Variants in PLCG2 observed in about 807,000 individuals in gnomAD.
PLCG2 encodes the protein 1-phosphatidylinositol 4,5-bisphosphate phosphodiesterase gamma-2.
PLCG2 carries 69 observed loss-of-function variants against 175.6 expected under a neutral mutation model. The observed-to-expected ratio is 0.39, with a 90% CI of 0.32 to 0.48. The LOEUF (loss-of-function observed/expected upper bound fraction) is 0.48. Among genes scored for constraint, PLCG2 ranks in the 20% least tolerant of loss-of-function variants. The probability of loss-of-function intolerance (pLI) is 0.91; values close to 1 mark genes in which losing one functional copy is unlikely to be tolerated. For missense variants in PLCG2, 1,798 were observed against 1,650.9 expected, an observed-to-expected ratio of 1.09 and a Z score of -1.54; for synonymous variants, 827 against 624.0, an observed-to-expected ratio of 1.33 and a Z score of -4.85.
At chr16:81,909,793 C>A (rs1387667353) in intron 17 of PLCG2, among the ~76,000 whole-genome samples, 1 of 152,206 alleles carries the variant, frequency 6.6e-6, no homozygotes, top group African/African-American at 2.4e-5. Context: ...GTATTCGAGA[C>A]ACCTTGTGTG....
At chr16:81,842,536 C>G (rs990099304) in intron 2 of PLCG2, among the ~76,000 whole-genome samples, 2 of 152,236 alleles carry the variant, frequency 1.3e-5, no homozygotes, top group African/African-American at 4.8e-5. Flanking sequence ...GGTGCCCAAG[C>G]CTTCTGTCTG....
intron 2 of PLCG2, among the ~76,000 whole-genome samples, chr16:81,809,910 C>T (rs1904302877): frequency 6.6e-6 from 1 of 151,980 alleles, no homozygotes; most frequent in South Asian, 2.1e-4. Flanking sequence ...TACTGTGTAG[C>T]TCACAGCATC....
At chr16:81,811,054 C>G (rs924550870) in intron 2 of PLCG2, among the ~76,000 whole-genome samples, 4 of 152,138 alleles carry the variant, frequency 2.6e-5, no homozygotes, top group African/African-American at 4.8e-5. Flanking sequence ...AACCTGTGTA[C>G]CAGAGGGACA....
At position 81,947,023 on chromosome 16, in the gene PLCG2, C is replaced by A. The variant is rs74029314; in HGVS notation, c.3570+760C>A. Among the ~76,000 whole-genome samples the A allele has an allele frequency of 3.0e-3, 454 of 152,182 alleles. 3 individuals carry two copies. The highest frequency in any genetic ancestry group is 0.01 in the African/African-American group (421 of 41,526). Reference sequence around the variant, plus strand: ...CTTCTCTCTATACATAAAACCCCTCCGCAGACACTTCACAGAAAAGTCAAG... The same window carrying A: ...CTTCTCTCTATACATAAAACCCCTCAGCAGACACTTCACAGAAAAGTCAAG... On this transcript the variant is annotated intron_variant, in intron 31 of 32. Coordinates refer to ENST00000564138, the MANE Select transcript of PLCG2 (RefSeq NM_002661.5).
chr16:81,959,728 G>A lies in PLCG2; in HGVS notation c.*1730G>A, dbSNP rs1255277742. On this transcript the variant is annotated 3_prime_UTR_variant, in exon 33 of 33. Transcript: ENST00000564138. ...TGAGAAAGGCACTGGGATGAGTGCT[G>A]CAGGCACTCTGTAGCCAGGGCCCCA... is the stretch of plus-strand genomic sequence containing the variant. 1.6e-5 allele frequency: 3 copies of A among 184,844 alleles called. No homozygotes were observed. The highest frequency in any genetic ancestry group is 3.4e-5 in the Non-Finnish European group (3 of 87,232). 11.5% of individuals were successfully genotyped at this position (184,844 alleles called of 1,614,324 possible).
chr16:81,919,594 A>G lies in PLCG2; in HGVS notation c.2165A>G (p.Lys722Arg). The G allele has an allele frequency of 6.2e-7, 1 of 1,614,152 alleles. No homozygotes were observed. The highest frequency in any genetic ancestry group is 8.5e-7 in the Non-Finnish European group (1 of 1,180,022). ...SLVELVSYYE[K>R]HSLYRKMRLR... ...GTGGAGCTCGTCAGTTACTACGAGA[A>G]GCATTCACTCTACCGAAAGATGAGA... Residue 722 changes from lysine to arginine, a missense_variant, in exon 20 of 33, where the codon AAG becomes AGG. Transcript: ENST00000564138.
rs551447612 is a variant in PLCG2, at chr16:81,943,658, A to T, written c.3482-2517A>T. Among the ~76,000 whole-genome samples, 244 of 152,338 alleles carry T rather than the reference A, an allele frequency of 1.6e-3. 2 individuals are homozygous for T. Among genetic ancestry groups the T allele is most frequent in the African/African-American group, 5.4e-3 (225 of 41,574 alleles). On this transcript the variant is annotated intron_variant, in intron 30 of 32. Coordinates refer to ENST00000564138, the MANE Select transcript of PLCG2 (RefSeq NM_002661.5). Reference sequence around the variant, plus strand: ...TTCCCAAGTCAGAATCTGCATTTTAACAAGATTCACAGGTGATTCACATTT... The same window carrying T: ...TTCCCAAGTCAGAATCTGCATTTTATCAAGATTCACAGGTGATTCACATTT...
At chr16:81,740,745 A>AC (rs1909573569) in intron 1 of PLCG2, among the ~76,000 whole-genome samples, 1 of 138,054 alleles carries the variant, frequency 7.2e-6, no homozygotes, top group East Asian at 2.6e-4. Context: ...AAAAAAAAAA[A>AC]AAAAAAAAAA....
At chr16:81,805,045 A>C (rs539351447) in intron 2 of PLCG2, among the ~76,000 whole-genome samples, 1 of 152,322 alleles carries the variant, frequency 6.6e-6, no homozygotes, top group East Asian at 1.9e-4. Context: ...CAAGGTTACC[A>C]AAGTTTTCAG....
intron 2 of PLCG2, among the ~76,000 whole-genome samples, chr16:81,826,649 C>T (rs1205483418): frequency 6.6e-6 from 1 of 152,178 alleles, no homozygotes; most frequent in Non-Finnish European, 1.5e-5. Flanking sequence ...CACTCATTAA[C>T]CACGTCCTCT....
At chr16:81,818,461 C>T (rs1254260147) in intron 2 of PLCG2, among the ~76,000 whole-genome samples, 2 of 152,116 alleles carry the variant, frequency 1.3e-5, no homozygotes, top group Non-Finnish European at 2.9e-5. Context: ...ACCAGGTAGA[C>T]CATAGATGCT....
At chr16:81,928,933 C>T (rs369687608) in intron 24 of PLCG2, 34 of 308,640 alleles carry the variant, frequency 1.1e-4, no homozygotes, top group African/African-American at 6.0e-4. Flanking sequence ...CCATGCGTTG[C>T]GAAGGAAAGC....
At chr16:81,760,314 G>T (rs987052298) in intron 2 of PLCG2, among the ~76,000 whole-genome samples, 1 of 152,124 alleles carries the variant, frequency 6.6e-6, no homozygotes, top group Admixed American at 6.5e-5. Context: ...GTTCTGCTGG[G>T]CTCAGGGTGC....
chr16:81,746,832 C>T (rs1909716725), intron 1 of PLCG2, among the ~76,000 whole-genome samples: 1 of 152,164 alleles, frequency 6.6e-6, no homozygotes, highest in South Asian at 2.1e-4. Flanking sequence ...CCAGTGGAGC[C>T]TACAAAGCAA....
intron 18 of PLCG2, 29 bp from the exon 19 acceptor site, chr16:81,912,568 T>A (rs1180263019): frequency 1.9e-6 from 3 of 1,610,498 alleles, no homozygotes; most frequent in Non-Finnish European, 2.5e-6. Context: ...ACCGCTCACC[T>A]GGTCGTTTTC....
intron 8 of PLCG2, among the ~76,000 whole-genome samples, chr16:81,882,309 A>G (rs867814679): frequency 2.0e-5 from 3 of 152,006 alleles, no homozygotes; most frequent in Non-Finnish European, 4.4e-5. Flanking sequence ...AGTGTTCCCT[A>G]GTGTTCCCTA....
chr16:81,750,904 ACCTCAAGATCCACCCACCTCAG>A (rs1226787659), intron 1 of PLCG2, among the ~76,000 whole-genome samples: 1 of 145,100 alleles, frequency 6.9e-6, no homozygotes, highest in Non-Finnish European at 1.5e-5. Flanking sequence ...CGATCTCCTG[ACCTCAAGATCCACCCACCTCAG>A]CCTCCCAAAG....
At position 81,907,654 on chromosome 16, in the gene PLCG2, G is replaced by C. The variant is rs906521780; in HGVS notation, c.1468-31G>C. On this transcript the variant is annotated intron_variant, in intron 15 of 32. Coordinates refer to ENST00000564138, the MANE Select transcript of PLCG2 (RefSeq NM_002661.5). Reference sequence around the variant, plus strand: ...CCACAGTTGATGAGGTAGAGGACTTGGGGGGCACTAATACCAGTTTCACTT... The same window carrying C: ...CCACAGTTGATGAGGTAGAGGACTTCGGGGGCACTAATACCAGTTTCACTT... 4 of 1,527,764 alleles carry C rather than the reference G, an allele frequency of 2.6e-6. No individual in the cohort carries two copies. The African/African-American group carries it at 4.1e-5, about 16-fold the overall frequency. The allele number at this position is 1,527,764 out of a possible 1,614,324, so 94.6% of individuals were successfully genotyped here.
rs574435526 is a variant in PLCG2 at position 81,908,425 on chromosome 16, C to T, written c.1567C>T (p.Pro523Ser). Reference protein sequence around the residue: ...MEEEVPQDIPPTELHFGEKWF... With the variant: ...MEEEVPQDIPSTELHFGEKWF... ...TCTCTTTGCGGCCCAGGATATACCC[C>T]CTACAGAACTACATTTTGGGGAGAA... The change falls in exon 17 of 33, where the codon CCT becomes TCT. Residue 523 changes from proline to serine, a missense_variant. Coordinates refer to ENST00000564138, the MANE Select transcript of PLCG2 (RefSeq NM_002661.5). 1.2e-6 allele frequency: 2 copies of T among 1,613,808 alleles called. No homozygotes were observed. The highest frequency in any genetic ancestry group is 1.7e-5 in the Admixed American group (1 of 59,982).
Sources: gnomAD v4.1 joint callset for allele counts (sites outside exome capture counted in the v4.1 genomes callset) on GRCh38, gnomAD v4.1.1 for gene constraint, MANE v1.5 for transcripts, NCBI Gene and HGNC (gene_info 2026-07-23, HGNC 2026-07-21) for gene names.